COQ10B: variants seen among roughly 807,000 people sequenced by gnomAD.
The protein encoded by COQ10B is coenzyme Q10B.
In COQ10B, 12 loss-of-function variants were observed where a neutral mutation model predicts 27.6. That is an observed-to-expected ratio of 0.43 (90% CI 0.28 to 0.70). The LOEUF is 0.70. Ranked by LOEUF, COQ10B falls within the 30% of genes least tolerant of loss-of-function variation. The pLI is 0.17. For missense variants in COQ10B, 278 were observed against 288.7 expected (o/e 0.96, Z 0.27); for synonymous variants, 115 against 103.0 (o/e 1.12, Z -0.71).
At chr2:197,454,304 A>G (rs2085672251) in intron 1 of COQ10B, 4 of 561,342 alleles carry the variant, frequency 7.1e-6, no homozygotes, top group Non-Finnish European at 1.2e-5. Flanking sequence ...CGGATACCAT[A>G]CTTGTACGAC....
chr2:197,462,281 A>G (rs1043841693), intron 2 of COQ10B, among the ~76,000 whole-genome samples: 30 of 151,994 alleles, frequency 2.0e-4, no homozygotes, highest in Non-Finnish European at 3.7e-4. Flanking sequence ...AAAAAAAAAA[A>G]AAAATTACCT....
At chr2:197,473,709 AAG>A (rs779143012) in intron 4 of COQ10B, 46 bp from the exon 5 acceptor site, 3 of 1,311,480 alleles carry the variant, frequency 2.3e-6, no homozygotes, top group Admixed American at 3.0e-5. Context: ...AAAAAAAAAA[AAG>A]CAAAAAATAA....
intron 4 of COQ10B, among the ~76,000 whole-genome samples, chr2:197,473,173 C>A (rs1182363957): frequency 6.6e-6 from 1 of 151,586 alleles, no homozygotes; most frequent in Non-Finnish European, 1.5e-5. Flanking sequence ...GCTAAAAATC[C>A]CACCTACATA....
chr2:197,473,418 AT>A (rs1559296037), intron 4 of COQ10B, among the ~76,000 whole-genome samples: 1,064 of 57,096 alleles, frequency 0.019, 82 homozygotes, highest in African/African-American at 0.083. Flanking sequence ...AAAAAAAAAT[AT>A]ATATATATAT....
At chr2:197,455,891 G>A (rs2106043933) in intron 1 of COQ10B, among the ~76,000 whole-genome samples, 1 of 152,162 alleles carries the variant, frequency 6.6e-6, no homozygotes, top group Admixed American at 6.5e-5. Flanking sequence ...CCCAGGCAGT[G>A]GAGGCTGCGG....
intron 1 of COQ10B, among the ~76,000 whole-genome samples, chr2:197,457,937 C>T (rs867555966): frequency 1.3e-5 from 2 of 151,954 alleles, no homozygotes; most frequent in African/African-American, 4.8e-5. Context: ...TACATTTTAA[C>T]AGATAGTCAT....
chr2:197,472,481 A>G (rs1487330431), intron 4 of COQ10B, among the ~76,000 whole-genome samples: 5 of 152,166 alleles, frequency 3.3e-5, no homozygotes, highest in Non-Finnish European at 5.9e-5. Flanking sequence ...GGATTGGACA[A>G]GCTTGTCCAC....
At chr2:197,454,274 T>C in intron 1 of COQ10B, 1 of 706,654 alleles carries the variant, frequency 1.4e-6, no homozygotes. Flanking sequence ...TAGGTGGGGG[T>C]GGAGATGGAG....
intron 3 of COQ10B, among the ~76,000 whole-genome samples, chr2:197,469,002 G>A (rs2085854061): frequency 1.3e-5 from 2 of 152,002 alleles, no homozygotes; most frequent in Admixed American, 1.3e-4. Flanking sequence ...TCTCTTTCAT[G>A]GATCTCAATA....
chr2:197,467,069 C>G (rs2085831894), intron 3 of COQ10B, among the ~76,000 whole-genome samples: 1 of 151,546 alleles, frequency 6.6e-6, no homozygotes, highest in Non-Finnish European at 1.5e-5. Context: ...GCCTCAGCCT[C>G]CTGAGTAGCT....
intron 2 of COQ10B, 27 bp from the exon 3 acceptor site, chr2:197,462,511 AC>A (rs751465053): frequency 2.4e-6 from 3 of 1,236,116 alleles, no homozygotes; most frequent in Non-Finnish European, 3.5e-6. Flanking sequence ...TGGAGTTAAC[AC>A]CTCTTTTTTA....
At chr2:197,473,482 A>G (rs931067827) in intron 4 of COQ10B, among the ~76,000 whole-genome samples, 5 of 142,326 alleles carry the variant, frequency 3.5e-5, no homozygotes, top group African/African-American at 1.3e-4. Context: ...ATACACGTAT[A>G]TATATGTATA....
At chr2:197,468,242 C>G (rs978968673) in intron 3 of COQ10B, among the ~76,000 whole-genome samples, 1 of 151,528 alleles carries the variant, frequency 6.6e-6, no homozygotes, top group Non-Finnish European at 1.5e-5. Flanking sequence ...AGATCGAGAC[C>G]ATCCTGGCTA....
chr2:197,473,415 A>AAAATATAT (rs1229206676), intron 4 of COQ10B, among the ~76,000 whole-genome samples: 51 of 59,490 alleles, frequency 8.6e-4, no homozygotes, highest in East Asian at 2.7e-3. Flanking sequence ...AAAAAAAAAA[A>AAAATATAT]ATATATATAT....
intron 3 of COQ10B, among the ~76,000 whole-genome samples, chr2:197,465,679 G>T (rs116007059): frequency 0.016 from 2,420 of 152,252 alleles, 36 homozygotes; most frequent in Middle Eastern, 0.027. Flanking sequence ...GGCTGAAGCG[G>T]AAGGATCGCT....
At chr2:197,467,367 C>G (rs1007472489) in intron 3 of COQ10B, among the ~76,000 whole-genome samples, 1 of 151,480 alleles carries the variant, frequency 6.6e-6, no homozygotes, top group Admixed American at 6.6e-5. Context: ...ACTCTTGTTG[C>G]CCGGGTTCTG....
chr2:197,454,688 G>C (rs1285081485), intron 1 of COQ10B, among the ~76,000 whole-genome samples: 1 of 152,152 alleles, frequency 6.6e-6, no homozygotes, highest in East Asian at 1.9e-4. Flanking sequence ...ATAAAATGTT[G>C]TCTTGCAAAT....
chr2:197,461,238 T>C (rs928223753), intron 2 of COQ10B, among the ~76,000 whole-genome samples: 9 of 152,124 alleles, frequency 5.9e-5, no homozygotes, highest in Non-Finnish European at 7.3e-5. Flanking sequence ...GGGTGTGCCG[T>C]CTACTGTAGT....
At chr2:197,457,145 G>A (rs1032620633) in intron 1 of COQ10B, among the ~76,000 whole-genome samples, 22 of 152,122 alleles carry the variant, frequency 1.4e-4, no homozygotes, top group African/African-American at 4.6e-4. Context: ...TGATGCCACC[G>A]CTGATCTGAC....
Sources: allele counts gnomAD v4.1 joint callset (sites outside exome capture counted in the v4.1 genomes callset), GRCh38; gene constraint gnomAD v4.1.1; transcripts MANE v1.5; gene names NCBI Gene and HGNC (gene_info 2026-07-23, HGNC 2026-07-21).